Variants in FAM13B observed in about 807,000 individuals in gnomAD.
The protein encoded by FAM13B is protein FAM13B.
Under a neutral mutation model 117.3 loss-of-function variants are expected in FAM13B, and 60 were observed. That is an observed-to-expected ratio of 0.51 (90% CI 0.42 to 0.63). FAM13B has a LOEUF of 0.63. FAM13B is among the 30% of genes least tolerant of loss of function. The probability of loss-of-function intolerance (pLI) is 0.00; values close to 1 mark genes in which losing one functional copy is unlikely to be tolerated. For missense variants in FAM13B, 972 were observed against 1,091.9 expected (o/e 0.89, Z 1.55); for synonymous variants, 332 against 356.1 (o/e 0.93, Z 0.76).
chr5:138,008,058 A>G (rs1197559865), intron 6 of FAM13B, among the ~76,000 whole-genome samples: 1 of 152,232 alleles, frequency 6.6e-6, no homozygotes, highest in Non-Finnish European at 1.5e-5. Flanking sequence ...ACTATCAGAA[A>G]GTAAAACTGC....
intron 4 of FAM13B, among the ~76,000 whole-genome samples, chr5:138,017,555 T>A (rs1358253300): frequency 6.6e-6 from 1 of 152,232 alleles, no homozygotes; most frequent in Non-Finnish European, 1.5e-5. Context: ...TAACTCTATA[T>A]GCCAACTTTA....
rs370095043 is a variant in FAM13B at position 137,948,960 on chromosome 5, T to C, written c.2155A>G (p.Ile719Val). ...KRIERCLPED[I>V]KKMTKDHLVE... Reference sequence around the variant, plus strand: ...AAATCATAGCTCAAGATTACCTTGATATCTTCTGGAAGACACCTCTCAATA... The same window carrying C: ...AAATCATAGCTCAAGATTACCTTGACATCTTCTGGAAGACACCTCTCAATA... The change falls in exon 18 of 24, where the codon ATC (isoleucine) becomes GTC (valine). Residue 719 changes from isoleucine (I) to valine (V), a missense_variant. Ile to Val is a conservative substitution (Grantham distance 29, BLOSUM62 3). Coordinates refer to ENST00000689681, the MANE Select transcript of FAM13B (RefSeq NM_001385994.1). 28 of 1,611,636 alleles carry C rather than the reference T, an allele frequency of 1.7e-5. No individual in the cohort carries two copies. The highest frequency in any genetic ancestry group is 2.2e-5 in the Non-Finnish European group (26 of 1,178,570).
intron 1 of FAM13B, among the ~76,000 whole-genome samples, chr5:138,023,447 G>C (rs377563530): frequency 6.6e-6 from 1 of 152,072 alleles, no homozygotes; most frequent in Admixed American, 6.5e-5. Context: ...AGATAATAAG[G>C]GTCAGAGGCA....
intron 6 of FAM13B, among the ~76,000 whole-genome samples, 161 bp downstream of exon 6, chr5:138,010,847 A>G (rs1783790683): frequency 6.6e-6 from 1 of 151,934 alleles, no homozygotes; most frequent in Admixed American, 6.6e-5. Context: ...CAGGAAAAAA[A>G]TCATGAATGT....
chr5:137,966,294 G>C (rs902056828), intron 10 of FAM13B, among the ~76,000 whole-genome samples: 1 of 151,420 alleles, frequency 6.6e-6, no homozygotes, highest in Non-Finnish European at 1.5e-5. Context: ...AAAATTAGCT[G>C]GGCGTGGTGG....
At chr5:137,950,743 T>C (rs989756701) in intron 17 of FAM13B, among the ~76,000 whole-genome samples, 3 of 151,730 alleles carry the variant, frequency 2.0e-5, no homozygotes, top group Non-Finnish European at 2.9e-5. Context: ...GCAGTAAAAG[T>C]GAAAGAAAAT....
At chr5:138,006,118 C>T (rs1286893934) in intron 7 of FAM13B, among the ~76,000 whole-genome samples, 2 of 152,032 alleles carry the variant, frequency 1.3e-5, no homozygotes, top group Non-Finnish European at 2.9e-5. Flanking sequence ...AGGATGGTCT[C>T]GATCTCCTGA....
Position 137,942,039 on chromosome 5 carries a change from T to A in FAM13B, c.2595A>T (p.Glu865Asp), listed in dbSNP as rs1255699785. The change falls in exon 23 of 24, where the codon GAA becomes GAT. Residue 865 changes from glutamate (E) to aspartate (D), a missense_variant. Physicochemically the swap from Glu to Asp is conservative, Grantham distance 45. Transcript: ENST00000689681. ...TGGCTTTCCAAAGTTGTTCCAATAA[T>A]TCAGGCCTAGAATTGAAATGGTAAA... ...LSSSRAASMPELLEQLWKARA... is the reference protein window; with the variant it reads ...LSSSRAASMPDLLEQLWKARA... 1.9e-6 allele frequency: 3 copies of A among 1,613,384 alleles called. No homozygotes were observed. Among genetic ancestry groups the A allele is most frequent in the East Asian group, 2.2e-5 (1 of 44,866 alleles).
intron 4 of FAM13B, among the ~76,000 whole-genome samples, chr5:138,013,908 T>G (rs1305579553): frequency 1.3e-5 from 2 of 152,206 alleles, no homozygotes; most frequent in African/African-American, 4.8e-5. Context: ...CCATCTTCCC[T>G]TATCCCCTAT....
At chr5:137,942,656 C>A in intron 22 of FAM13B, 1 of 498,664 alleles carries the variant, frequency 2.0e-6, no homozygotes, top group Non-Finnish European at 3.4e-6. Flanking sequence ...AGCCACTGTG[C>A]CTGGCTAGAT....
Position 138,004,132 on chromosome 5 carries a change from G to A in FAM13B, c.848+2858C>T, listed in dbSNP as rs960822013. Reference sequence around the variant, plus strand: ...AAAAATACAAAAATTAGCCAGCCACGGTGGTGCGGGCCTGTAATCCCAGCT... The same window carrying A: ...AAAAATACAAAAATTAGCCAGCCACAGTGGTGCGGGCCTGTAATCCCAGCT... On this transcript the variant is annotated intron_variant, in intron 7 of 23. Transcript: ENST00000689681. Among the ~76,000 whole-genome samples, 10 of 152,154 alleles carry A rather than the reference G, an allele frequency of 6.6e-5. No homozygotes were observed. In the South Asian group the frequency reaches 8.3e-4, roughly 13 times the overall value.
chr5:137,954,041 CTTT>C (rs369548946), intron 15 of FAM13B, 122 bp downstream of exon 15: 4,015 of 382,760 alleles, frequency 0.01, no homozygotes, highest in East Asian at 0.015. Flanking sequence ...CAATCTCTCT[CTTT>C]TTTTTTTTTT....
At chr5:138,015,895 A>G (rs1785149173) in intron 4 of FAM13B, among the ~76,000 whole-genome samples, 1 of 152,250 alleles carries the variant, frequency 6.6e-6, no homozygotes, top group African/African-American at 2.4e-5. Context: ...GTATATGTGC[A>G]CACATACATA....
intron 14 of FAM13B, among the ~76,000 whole-genome samples, chr5:137,955,269 C>T (rs1188498003): frequency 2.0e-5 from 3 of 152,174 alleles, no homozygotes; most frequent in Admixed American, 2.0e-4. Context: ...TAGAAGAATT[C>T]TAATATTCCC....
chr5:137,959,118 C>A (rs1301293142), intron 13 of FAM13B, among the ~76,000 whole-genome samples: 3 of 152,124 alleles, frequency 2.0e-5, no homozygotes, highest in Non-Finnish European at 4.4e-5. Flanking sequence ...TTTTTAGAGT[C>A]CCCTGCACCA....
At chr5:138,024,539 T>C (rs1229552380) in intron 1 of FAM13B, among the ~76,000 whole-genome samples, 6 of 142,216 alleles carry the variant, frequency 4.2e-5, no homozygotes, top group Non-Finnish European at 7.6e-5. Context: ...ATGAAAGTCC[T>C]AGAAAATGAA....
rs981830549 is a variant in FAM13B at position 137,965,585 on chromosome 5, A to G, written c.1180-3116T>C. On this transcript the variant is annotated intron_variant, in intron 10 of 23. Transcript: ENST00000689681. ...TAGTTACTTCTATTAAATAGGCTACATATCTCCACTCCATTCTGTACCTTG... is the reference window on the plus strand; with the variant it reads ...TAGTTACTTCTATTAAATAGGCTACGTATCTCCACTCCATTCTGTACCTTG... Among the ~76,000 whole-genome samples the G allele has an allele frequency of 7.9e-5, 12 of 152,182 alleles. 1 individual carries two copies. The highest frequency in any genetic ancestry group is 5.8e-4 in the East Asian group (3 of 5,200).
intron 10 of FAM13B, among the ~76,000 whole-genome samples, chr5:137,963,532 T>C (rs80043912): frequency 0.017 from 2,605 of 152,368 alleles, 39 homozygotes; most frequent in Non-Finnish European, 0.028. Context: ...AAAAGCTCTT[T>C]GGGATCTTCA....
At chr5:138,033,583 T>G (rs1287091141), upstream of FAM13B, among the ~76,000 whole-genome samples, 1 of 151,690 alleles carries the variant, frequency 6.6e-6, no homozygotes, top group Non-Finnish European at 1.5e-5. Flanking sequence ...TGACCTAGAC[T>G]CCAGAGAGAA....
Sources: gnomAD v4.1 joint callset for allele counts (sites outside exome capture counted in the v4.1 genomes callset) on GRCh38, gnomAD v4.1.1 for gene constraint, MANE v1.5 for transcripts, NCBI Gene and HGNC (gene_info 2026-07-23, HGNC 2026-07-21) for gene names.